Variants in FGF13 observed in about 807,000 individuals in gnomAD.
FGF13 encodes the protein fibroblast growth factor 13.
Under a neutral mutation model 19.5 loss-of-function variants are expected in FGF13, and 2 were observed. The observed-to-expected ratio is 0.10, with a 90% confidence interval of 0.04 to 0.32. The LOEUF is 0.32. Among genes scored for constraint, FGF13 ranks in the 10% least tolerant of loss-of-function variants. FGF13 has a pLI of 1.00. For missense variants in FGF13, 113 were observed against 192.7 expected, an observed-to-expected ratio of 0.59 and a Z score of 2.45; for synonymous variants, 72 against 76.9, an observed-to-expected ratio of 0.94 and a Z score of 0.33.
chrX:138,774,614 C>G (rs1368092312), intron 3 of FGF13, among the ~76,000 whole-genome samples: 1 of 111,527 alleles, frequency 9.0e-6, no homozygotes, highest in Non-Finnish European at 1.9e-5. Flanking sequence ...TTTGGCTTAA[C>G]TCCACACTGT....
intron 1 of FGF13, among the ~76,000 whole-genome samples, chrX:139,161,177 C>G (rs1252102437): frequency 8.9e-6 from 1 of 112,013 alleles, no homozygotes; most frequent in African/African-American, 3.2e-5. Flanking sequence ...CCCTGGGATG[C>G]AAGGCTGGTT....
intron 1 of FGF13, among the ~76,000 whole-genome samples, chrX:138,977,575 T>C (rs979479417): frequency 8.9e-5 from 10 of 112,726 alleles, no homozygotes; most frequent in Non-Finnish European, 1.7e-4. Context: ...AGTGTCTTCA[T>C]ATACTTGCTC....
rs758000486 is a variant in FGF13, at chrX:138,616,775, G to C, written c.*16075C>G. 8.9e-6 allele frequency: 1 copy of C among 112,303 alleles called. No homozygotes were observed. The highest frequency in any genetic ancestry group is 3.2e-5 in the African/African-American group (1 of 30,956). 9.3% of individuals were successfully genotyped at this position (112,303 alleles called of 1,213,427 possible). A position where few individuals can be genotyped will look rare whatever the true frequency, so the allele number is the denominator to read the frequency against. On this transcript the variant is annotated 3_prime_UTR_variant, in exon 5 of 5. Transcript: ENST00000315930. ...TACATCCTCTGAAATCTAGGCAGAG[G>C]TTCCCAAACCTCAATTCTTGACTTC...
chrX:138,768,691 T>C (rs1465877950), intron 3 of FGF13, among the ~76,000 whole-genome samples: 1 of 100,420 alleles, frequency 1.0e-5, no homozygotes, highest in Non-Finnish European at 1.9e-5. Context: ...TACTTATATA[T>C]AAGTATATAT....
intron 1 of FGF13, among the ~76,000 whole-genome samples, chrX:139,158,912 T>C (rs1266228142): frequency 8.9e-6 from 1 of 111,851 alleles, no homozygotes; most frequent in African/African-American, 3.3e-5. Context: ...CTTCAGGATA[T>C]TATCCAGGAG....
chrX:138,635,200 A>G (rs1333145175), intron 4 of FGF13, among the ~76,000 whole-genome samples: 1 of 111,614 alleles, frequency 9.0e-6, no homozygotes, highest in African/African-American at 3.3e-5. Context: ...ATGAAGACAT[A>G]AAGCATAAGC....
intron 3 of FGF13, among the ~76,000 whole-genome samples, chrX:138,690,236 A>G (rs1383389004): frequency 8.9e-6 from 1 of 111,815 alleles, no homozygotes; most frequent in Non-Finnish European, 1.9e-5. Context: ...GAAAGTCAAT[A>G]GTAGAAAATG....
At chrX:139,104,165 T>C (rs2083539240) in intron 1 of FGF13, among the ~76,000 whole-genome samples, 1 of 111,467 alleles carries the variant, frequency 9.0e-6, no homozygotes, top group Admixed American at 9.5e-5. Flanking sequence ...TTAGCCATAA[T>C]GATCATCATT....
intron 1 of FGF13, among the ~76,000 whole-genome samples, chrX:139,042,170 T>C (rs2092272074): frequency 8.9e-6 from 1 of 112,348 alleles, no homozygotes. Flanking sequence ...TTACATGTGT[T>C]TCTTTCCATT....
At chrX:138,731,859 A>T (rs2090234679) in intron 1 of FGF13, among the ~76,000 whole-genome samples, 1 of 111,422 alleles carries the variant, frequency 9.0e-6, no homozygotes, top group East Asian at 2.8e-4. Context: ...GATGCTACAG[A>T]CATTAAAAAG....
At chrX:138,796,234 C>A (rs974850563) in intron 3 of FGF13, among the ~76,000 whole-genome samples, 2 of 110,438 alleles carry the variant, frequency 1.8e-5, no homozygotes, top group African/African-American at 6.6e-5. Flanking sequence ...CCCCCACCCG[C>A]CGATAGGCCC....
At chrX:139,008,236 G>GA (rs1358231511) in intron 1 of FGF13, among the ~76,000 whole-genome samples, 1 of 111,643 alleles carries the variant, frequency 9.0e-6, no homozygotes, top group African/African-American at 3.3e-5. Context: ...CAAAGACAAA[G>GA]ATCATAATCT....
intron 1 of FGF13, among the ~76,000 whole-genome samples, chrX:139,161,645 A>G (rs951767234): frequency 2.9e-4 from 32 of 112,105 alleles, no homozygotes; most frequent in Middle Eastern, 4.6e-3. Context: ...GTAAATTTAG[A>G]CAATCCCATT....
chrX:138,759,315 A>T (rs147852775), intron 3 of FGF13, among the ~76,000 whole-genome samples: 1,692 of 112,289 alleles, frequency 0.015, 19 homozygotes, highest in African/African-American at 0.052. Flanking sequence ...CTTAGGGCTT[A>T]TTTCAAACTG....
At chrX:138,708,052 T>C (rs1020454222) in intron 2 of FGF13, among the ~76,000 whole-genome samples, 3 of 112,377 alleles carry the variant, frequency 2.7e-5, no homozygotes, top group African/African-American at 9.7e-5. Flanking sequence ...GTGGAACATT[T>C]AGTAAGTCTC....
intron 1 of FGF13, among the ~76,000 whole-genome samples, chrX:139,138,053 G>A (rs2083814053): frequency 8.9e-6 from 1 of 112,223 alleles, no homozygotes; most frequent in African/African-American, 3.2e-5. Flanking sequence ...GGACCCACTG[G>A]AATCATCATA....
intron 3 of FGF13, among the ~76,000 whole-genome samples, chrX:138,685,216 A>T (rs2089768475): frequency 9.0e-6 from 1 of 111,172 alleles, no homozygotes; most frequent in South Asian, 3.8e-4. Flanking sequence ...AGCAAGAGAA[A>T]CTTTCTAAGA....
chrX:138,701,074 T>A (rs971761492), intron 3 of FGF13, among the ~76,000 whole-genome samples: 1 of 112,741 alleles, frequency 8.9e-6, no homozygotes, highest in African/African-American at 3.2e-5. Context: ...TTCCACATTC[T>A]TACTTAAATA....
chrX:138,905,763 G>A (rs1056542783), intron 1 of FGF13, among the ~76,000 whole-genome samples: 1 of 112,106 alleles, frequency 8.9e-6, no homozygotes, highest in Admixed American at 9.4e-5. Flanking sequence ...TGGATCCAGT[G>A]GGAGAAAGTC....
Sources: allele counts gnomAD v4.1 joint callset (sites outside exome capture counted in the v4.1 genomes callset), GRCh38; gene constraint gnomAD v4.1.1; transcripts MANE v1.5; gene names NCBI Gene and HGNC (gene_info 2026-07-23, HGNC 2026-07-21).